The following PPIL4 variants were observed in gnomAD, a reference collection of about 807,000 sequenced individuals.
The protein encoded by PPIL4 is peptidyl-prolyl cis-trans isomerase-like 4.
PPIL4 carries 50 observed loss-of-function variants against 69.1 expected under a neutral mutation model. That is an observed-to-expected ratio of 0.72 (90% CI 0.58 to 0.92). The LOEUF is 0.92. PPIL4 is among the 40% of genes least tolerant of loss of function. PPIL4 has a pLI of 0.00. For synonymous variants in PPIL4, 193 were observed against 191.6 expected, an observed-to-expected ratio of 1.01 and a Z score of -0.06; for missense variants, 480 against 587.9, an observed-to-expected ratio of 0.82 and a Z score of 1.90.
chr6:149,515,560 GT>G (rs1002859786), intron 11 of PPIL4, among the ~76,000 whole-genome samples: 13 of 152,112 alleles, frequency 8.5e-5, no homozygotes, highest in African/African-American at 2.4e-4. Context: ...TTAATGTCTG[GT>G]TTTTTTTCCC....
At chr6:149,542,079 CT>C (rs1292989062) in intron 1 of PPIL4, among the ~76,000 whole-genome samples, 2 of 150,872 alleles carry the variant, frequency 1.3e-5, no homozygotes, top group African/African-American at 2.4e-5. Context: ...TTTAAATTAC[CT>C]TTTTTTTTCC....
Position 149,517,588 on chromosome 6 carries a change from T to C in PPIL4, c.983-138A>G, listed in dbSNP as rs565349126. ...ACAGAGAAAGGGAACAAAAGAATCA[T>C]AGTAATTCCATCTCCATTACTAATT... On this transcript the variant is annotated intron_variant, in intron 10 of 12. Transcript: ENST00000253329. 7.3e-4 allele frequency: 376 copies of C among 513,430 alleles called. No individual in the cohort carries two copies. The Middle Eastern group carries it at 9.0e-3, about 12-fold the overall frequency. 31.8% of individuals were successfully genotyped at this position (513,430 alleles called of 1,614,324 possible). A position where few individuals can be genotyped will look rare whatever the true frequency, so the allele number is the denominator to read the frequency against.
In PPIL4 at chr6:149,505,392, T is replaced by C; in HGVS notation, c.*61A>G. 4 of 1,497,196 alleles carry C rather than the reference T, an allele frequency of 2.7e-6. No individual in the cohort carries two copies. The highest frequency in any genetic ancestry group is 1.3e-5 in the South Asian group (1 of 77,702). 92.7% of individuals were successfully genotyped at this position (1,497,196 alleles called of 1,614,324 possible). On this transcript the variant is annotated 3_prime_UTR_variant, in exon 13 of 13. Transcript: ENST00000253329. Reference sequence around the variant, plus strand: ...CACAAAATCTAAGCATCTGCTTTCCTGGCACTCTTAAGTTAGACAAGAGTA... The same window carrying C: ...CACAAAATCTAAGCATCTGCTTTCCCGGCACTCTTAAGTTAGACAAGAGTA...
Position 149,505,422 on chromosome 6 carries a change from T to C in PPIL4, c.*31A>G, listed in dbSNP as rs1188278282. 6.3e-7 allele frequency: 1 copy of C among 1,595,022 alleles called. No homozygotes were observed. The highest frequency in any genetic ancestry group is 8.5e-7 in the Non-Finnish European group (1 of 1,172,106). On this transcript the variant is annotated 3_prime_UTR_variant, in exon 13 of 13. Coordinates refer to ENST00000253329, the MANE Select transcript of PPIL4 (RefSeq NM_139126.4). ...CTCTTAAGTTAGACAAGAGTAAATA[T>C]GTTAGCCTCTCAATTCTGCCTCTTC...
chr6:149,531,881 G>A (rs1159573746), intron 7 of PPIL4, among the ~76,000 whole-genome samples: 6 of 152,116 alleles, frequency 3.9e-5, no homozygotes, highest in Non-Finnish European at 7.3e-5. Context: ...TGTTGGCCAG[G>A]CTGGTCTCGA....
chr6:149,512,282 A>G lies in PPIL4; in HGVS notation c.1100T>C (p.Leu367Ser). Reference sequence around the variant, plus strand: ...TTTTGAGTCTTCGGCCTGCTCATCTAATATAAGATCGTATTTTGTACTGCA... The same window carrying G: ...TTTTGAGTCTTCGGCCTGCTCATCTGATATAAGATCGTATTTTGTACTGCA... ...PKQDTKYDLI[L>S]DEQAEDSKSS... Residue 367 changes from leucine to serine, a missense_variant, in exon 12 of 13, where the codon TTA becomes TCA. Coordinates refer to ENST00000253329, the MANE Select transcript of PPIL4 (RefSeq NM_139126.4). 1 of 1,610,144 alleles carries G rather than the reference A, an allele frequency of 6.2e-7. No individual in the cohort carries two copies. Among genetic ancestry groups the G allele is most frequent in the Non-Finnish European group, 8.5e-7 (1 of 1,176,928 alleles).
At chr6:149,512,844 G>A (rs1776876157) in intron 11 of PPIL4, among the ~76,000 whole-genome samples, 1 of 151,994 alleles carries the variant, frequency 6.6e-6, no homozygotes, top group Non-Finnish European at 1.5e-5. Flanking sequence ...TCAGGTTCAA[G>A]CAATTCTCCT....
intron 12 of PPIL4, among the ~76,000 whole-genome samples, chr6:149,509,099 T>A (rs918648559): frequency 6.6e-6 from 1 of 152,140 alleles, no homozygotes; most frequent in African/African-American, 2.4e-5. Context: ...AGTACAAAAC[T>A]TTTTAAAATT....
At chr6:149,509,670 C>CT (rs1776814294) in intron 12 of PPIL4, among the ~76,000 whole-genome samples, 1 of 152,040 alleles carries the variant, frequency 6.6e-6, no homozygotes, top group South Asian at 2.1e-4. Context: ...ATTAAAATAA[C>CT]ATTAGAGTTT....
At chr6:149,513,412 A>AAAAATAT (rs1554215970) in intron 11 of PPIL4, among the ~76,000 whole-genome samples, 7 of 55,324 alleles carry the variant, frequency 1.3e-4, no homozygotes, top group African/African-American at 4.6e-4. Flanking sequence ...AAAAAAAAAA[A>AAAAATAT]ATATATATAT....
At chr6:149,531,089 C>T (rs1337268291) in intron 7 of PPIL4, among the ~76,000 whole-genome samples, 1 of 152,094 alleles carries the variant, frequency 6.6e-6, no homozygotes, top group Non-Finnish European at 1.5e-5. Context: ...ATTGGCCGGG[C>T]ACGGTGGCTC....
At chr6:149,537,016 C>T (rs184395712) in intron 4 of PPIL4, among the ~76,000 whole-genome samples, 1 of 151,976 alleles carries the variant, frequency 6.6e-6, no homozygotes, top group East Asian at 1.9e-4. Context: ...ATCCCAGCTA[C>T]TCAGGAGGCT....
At chr6:149,523,078 A>C (rs1777056171) in intron 9 of PPIL4, among the ~76,000 whole-genome samples, 1 of 152,248 alleles carries the variant, frequency 6.6e-6, no homozygotes, top group African/African-American at 2.4e-5. Context: ...TCTTTGAAGT[A>C]GGAAAATATT....
At chr6:149,505,844 G>T (rs1776762229) in intron 12 of PPIL4, 140 bp from the exon 13 acceptor site, 2 of 667,142 alleles carry the variant, frequency 3.0e-6, no homozygotes, top group South Asian at 4.2e-5. Flanking sequence ...CTAATGTCAA[G>T]AATCTTGTAA....
chr6:149,539,487 C>T (rs1583212942), intron 4 of PPIL4, among the ~76,000 whole-genome samples: 2 of 152,178 alleles, frequency 1.3e-5, no homozygotes, highest in East Asian at 3.8e-4. Flanking sequence ...TAGTGATCCT[C>T]CCACCTCAGC....
chr6:149,543,669 T>C (rs1214100277), intron 1 of PPIL4, among the ~76,000 whole-genome samples: 1 of 152,176 alleles, frequency 6.6e-6, no homozygotes, highest in Non-Finnish European at 1.5e-5. Context: ...CTGTCACTTA[T>C]GTGGTACTTA....
At chr6:149,519,569 G>A (rs1419270735) in intron 10 of PPIL4, among the ~76,000 whole-genome samples, 1 of 152,184 alleles carries the variant, frequency 6.6e-6, no homozygotes, top group East Asian at 1.9e-4. Context: ...GAGGAGGTAA[G>A]GTTTCACAGG....
intron 11 of PPIL4, among the ~76,000 whole-genome samples, chr6:149,516,752 CCAATA>C (rs1467096568): frequency 6.6e-6 from 1 of 151,996 alleles, no homozygotes; most frequent in African/African-American, 2.4e-5. Flanking sequence ...CAGTAGAAGC[CCAATA>C]AATATTTGTT....
At chr6:149,517,898 A>G (rs891733317) in intron 10 of PPIL4, 3 of 153,582 alleles carry the variant, frequency 2.0e-5, no homozygotes, top group African/African-American at 7.2e-5. Flanking sequence ...AGGCTGAGGC[A>G]GGAGGATCGC....
Sources: gnomAD v4.1 joint callset for allele counts (sites outside exome capture counted in the v4.1 genomes callset) on GRCh38, gnomAD v4.1.1 for gene constraint, MANE v1.5 for transcripts, NCBI Gene and HGNC (gene_info 2026-07-23, HGNC 2026-07-21) for gene names.